Variants in TUSC3 observed in about 807,000 individuals in gnomAD.
TUSC3 encodes tumor suppressor candidate 3.
Under a neutral mutation model 44.8 loss-of-function variants are expected in TUSC3, and 45 were observed. That is an observed-to-expected ratio of 1.00 (90% CI 0.79 to 1.29). The LOEUF is 1.29. Among genes scored for constraint, TUSC3 ranks in the 50% most tolerant of loss-of-function variants. TUSC3 has a pLI of 0.00. For missense variants in TUSC3, 519 were observed against 437.9 expected (o/e 1.19, Z -1.65); for synonymous variants, 212 against 152.9 (o/e 1.39, Z -2.85).
chr8:15,628,540 A>T (rs1249739700), intron 2 of TUSC3, among the ~76,000 whole-genome samples: 1 of 152,148 alleles, frequency 6.6e-6, no homozygotes, highest in Non-Finnish European at 1.5e-5. Flanking sequence ...TTAATGGGTC[A>T]GTGTCGGGGT....
At chr8:15,723,193 G>T (rs1003800055) in intron 6 of TUSC3, among the ~76,000 whole-genome samples, 2 of 152,080 alleles carry the variant, frequency 1.3e-5, no homozygotes, top group Non-Finnish European at 2.9e-5. Context: ...TTTGGAGTAT[G>T]CCTGGGCCAG....
At chr8:15,804,452 A>G in the TUSC3 span, among the ~76,000 whole-genome samples, 17 of 152,106 alleles carry the variant, frequency 1.1e-4, no homozygotes, top group Non-Finnish European at 1.5e-4. Flanking sequence ...TAGGATTTTC[A>G]TAGTTTGAGG....
intron 6 of TUSC3, among the ~76,000 whole-genome samples, chr8:15,682,083 G>A (rs1808449615): frequency 6.6e-6 from 1 of 152,064 alleles, no homozygotes; most frequent in Non-Finnish European, 1.5e-5. Context: ...TGTGACCAAG[G>A]ATGTGATTGA....
At chr8:15,651,117 T>C (rs1806884568) in intron 3 of TUSC3, 1 of 333,816 alleles carries the variant, frequency 3.0e-6, no homozygotes, top group Admixed American at 4.6e-5. Flanking sequence ...CTTATTTTTA[T>C]CATTGTACAG....
chr8:15,848,241 A>G, the TUSC3 span, among the ~76,000 whole-genome samples: 1 of 152,184 alleles, frequency 6.6e-6, no homozygotes, highest in Non-Finnish European at 1.5e-5. Context: ...TGTGTAGGAC[A>G]GTTCCCCAGG....
At chr8:15,643,373 C>A (rs1340679079) in intron 2 of TUSC3, among the ~76,000 whole-genome samples, 1 of 150,404 alleles carries the variant, frequency 6.6e-6, no homozygotes, top group African/African-American at 2.4e-5. Flanking sequence ...TTCTTCTTGG[C>A]ATACCACATT....
At chr8:15,775,870 A>G in the TUSC3 span, among the ~76,000 whole-genome samples, 2 of 151,332 alleles carry the variant, frequency 1.3e-5, no homozygotes, top group Non-Finnish European at 2.9e-5. Flanking sequence ...TTTATATAGG[A>G]GCAAGATGCT....
the TUSC3 span, among the ~76,000 whole-genome samples, chr8:15,779,234 C>G: frequency 1.1e-4 from 16 of 151,558 alleles, no homozygotes; most frequent in Non-Finnish European, 1.5e-4. Context: ...GAAACCAGGA[C>G]CTTGGATAGA....
At chr8:15,505,308 C>G (rs1294067065) in intron 2 of TUSC3, among the ~76,000 whole-genome samples, 1 of 152,102 alleles carries the variant, frequency 6.6e-6, no homozygotes, top group Non-Finnish European at 1.5e-5. Flanking sequence ...AGAAAAAAAC[C>G]CAGAATGCTG....
intron 1 of TUSC3, among the ~76,000 whole-genome samples, chr8:15,439,062 G>C (rs909341242): frequency 6.6e-6 from 1 of 152,116 alleles, no homozygotes; most frequent in East Asian, 1.9e-4. Flanking sequence ...GCTATTTGAC[G>C]GCACTGTGAC....
chr8:15,673,632 G>C, intron 5 of TUSC3, 115 bp from the exon 6 acceptor site: 1 of 881,862 alleles, frequency 1.1e-6, no homozygotes, highest in Non-Finnish European at 1.8e-6. Flanking sequence ...TTTAAAATGT[G>C]TGAGCTGATA....
intron 10 of TUSC3, among the ~76,000 whole-genome samples, chr8:15,761,557 T>C (rs1258682065): frequency 6.6e-6 from 1 of 152,198 alleles, no homozygotes; most frequent in African/African-American, 2.4e-5. Flanking sequence ...GCATATATTC[T>C]CTTCAGAATA....
At chr8:15,775,958 T>C in the TUSC3 span, among the ~76,000 whole-genome samples, 1 of 151,802 alleles carries the variant, frequency 6.6e-6, no homozygotes. Flanking sequence ...ACATTTAATA[T>C]TTAAATAATG....
intron 6 of TUSC3, among the ~76,000 whole-genome samples, chr8:15,677,306 G>A (rs1309474187): frequency 6.6e-6 from 1 of 152,096 alleles, no homozygotes; most frequent in Non-Finnish European, 1.5e-5. Context: ...ATCTGTAAAT[G>A]GGTTTTCTTT....
chr8:15,673,132 C>G (rs187959427), intron 5 of TUSC3, among the ~76,000 whole-genome samples: 26 of 152,192 alleles, frequency 1.7e-4, no homozygotes, highest in Non-Finnish European at 2.9e-5. Context: ...CTTGGATCTT[C>G]AATATTAGTT....
intron 2 of TUSC3, among the ~76,000 whole-genome samples, chr8:15,484,924 T>G (rs997937359): frequency 2.0e-5 from 3 of 152,230 alleles, no homozygotes; most frequent in African/African-American, 4.8e-5. Flanking sequence ...ACTATTTCTT[T>G]GTAAAAACTT....
At chr8:15,532,333 G>A (rs1420886825) in intron 2 of TUSC3, among the ~76,000 whole-genome samples, 1 of 152,188 alleles carries the variant, frequency 6.6e-6, no homozygotes, top group East Asian at 1.9e-4. Context: ...AAAATGGTGT[G>A]TTTCATTTAC....
intron 6 of TUSC3, among the ~76,000 whole-genome samples, chr8:15,689,766 A>G (rs1162953656): frequency 2.7e-5 from 4 of 150,918 alleles, no homozygotes; most frequent in Non-Finnish European, 4.4e-5. Context: ...AACTCCATTC[A>G]TGTTTCTGCA....
chr8:15,824,354 G>T, the TUSC3 span, among the ~76,000 whole-genome samples: 15 of 152,102 alleles, frequency 9.9e-5, no homozygotes, highest in Non-Finnish European at 2.2e-4. Context: ...AACTCCATTG[G>T]CAAGGTATGA....
Sources: allele counts gnomAD v4.1 joint callset (sites outside exome capture counted in the v4.1 genomes callset), GRCh38; gene constraint gnomAD v4.1.1; transcripts MANE v1.5; gene names NCBI Gene and HGNC (gene_info 2026-07-23, HGNC 2026-07-21).